The following SS18L1 variants were observed in gnomAD, a reference collection of about 807,000 sequenced individuals.
SS18L1 encodes SS18L1 subunit of BAF chromatin remodeling complex.
SS18L1 carries 32 observed loss-of-function variants against 70.3 expected under a neutral mutation model. The ratio of observed to expected loss-of-function variants is 0.46; its 90% CI spans 0.34 to 0.61. SS18L1 has a LOEUF of 0.61. Ranked by LOEUF, SS18L1 falls within the 20% of genes least tolerant of loss-of-function variation. The pLI, the probability that SS18L1 is intolerant of heterozygous loss-of-function variation, is 0.01. For missense variants in SS18L1, 430 were observed against 542.1 expected (o/e 0.79, Z 2.05); for synonymous variants, 237 against 229.7 (o/e 1.03, Z -0.29).
chr20:62,179,141 C>A, intron 10 of SS18L1, 41 bp from the exon 11 acceptor site: 1 of 1,612,196 alleles, frequency 6.2e-7, no homozygotes, highest in South Asian at 1.1e-5. Context: ...TCCTTTCACT[C>A]ATTACTATAG....
intron 4 of SS18L1, among the ~76,000 whole-genome samples, chr20:62,162,006 A>T (rs1489526852): frequency 3.9e-5 from 6 of 152,178 alleles, no homozygotes; most frequent in African/African-American, 1.4e-4. Context: ...AGACTACTTG[A>T]GGCCAGGAGT....
rs1292605036 is a variant in SS18L1 at position 62,159,708 on chromosome 20, A to G, written c.147-169A>G. On this transcript the variant is annotated intron_variant, in intron 2 of 10. Coordinates refer to ENST00000331758, the MANE Select transcript of SS18L1 (RefSeq NM_198935.3). This position sits in a 1 kb window ranked among gnomAD's most constrained non-coding sequence, Gnocchi z 4.4. ...GCCCTCCCGTCCCCACCGAGACCCC[A>G]GCACCCTGCCACCTGCCTGTGTCCA... Among the ~76,000 whole-genome samples the G allele has an allele frequency of 6.6e-6, 1 of 151,910 alleles. No individual in the cohort carries two copies. Among genetic ancestry groups the G allele is most frequent in the Non-Finnish European group, 1.5e-5 (1 of 67,964 alleles).
At chr20:62,178,036 T>A (rs1156986158) in intron 10 of SS18L1, among the ~76,000 whole-genome samples, 2 of 149,716 alleles carry the variant, frequency 1.3e-5, no homozygotes, top group African/African-American at 4.9e-5. Flanking sequence ...TTTTTTTTTT[T>A]TAAGACAGGG....
chr20:62,178,914 C>CAT (rs2145797832), intron 10 of SS18L1, among the ~76,000 whole-genome samples: 1 of 152,366 alleles, frequency 6.6e-6, no homozygotes, highest in Non-Finnish European at 1.5e-5. Context: ...GCAGGCCCAG[C>CAT]ATAAGGCTCT....
chr20:62,154,349 C>G (rs1158796540), intron 1 of SS18L1: 2 of 1,049,256 alleles, frequency 1.9e-6, no homozygotes, highest in African/African-American at 1.7e-5. Context: ...TCCTAACTTG[C>G]GGGTCTGAAA....
At chr20:62,149,025 C>G (rs78614396) in intron 1 of SS18L1, among the ~76,000 whole-genome samples, 1 of 152,210 alleles carries the variant, frequency 6.6e-6, no homozygotes, top group Non-Finnish European at 1.5e-5. Flanking sequence ...GTGCTCTCCT[C>G]GAGGCTCCGG....
At position 62,159,473 on chromosome 20, in the gene SS18L1, C is replaced by T. The variant is rs186831742; in HGVS notation, c.147-404C>T. On this transcript the variant is annotated intron_variant, in intron 2 of 10. Coordinates refer to ENST00000331758, the MANE Select transcript of SS18L1 (RefSeq NM_198935.3). The surrounding 1 kb of genome is among the most constrained non-coding windows in gnomAD (Gnocchi z 4.4). ...TTTCTTTCCAGGGCTTTCTCAGGGT[C>T]GTTGGCTCTATGGAGTCCGCCCACT... is the stretch of plus-strand genomic sequence containing the variant. Among the ~76,000 whole-genome samples, 23 of 152,262 alleles carry T rather than the reference C, an allele frequency of 1.5e-4. No individual in the cohort carries two copies. Among genetic ancestry groups the T allele is most frequent in the South Asian group, 2.1e-4 (1 of 4,820 alleles).
intron 1 of SS18L1, among the ~76,000 whole-genome samples, chr20:62,147,964 G>C (rs1046528632): frequency 6.6e-6 from 1 of 152,204 alleles, no homozygotes; most frequent in Non-Finnish European, 1.5e-5. Context: ...GGAACTTGCT[G>C]TCTGAAGGAA....
chr20:62,158,865 C>G lies in SS18L1; in HGVS notation c.146+117C>G. 1 of 1,609,454 alleles carries G rather than the reference C, an allele frequency of 6.2e-7. No individual in the cohort carries two copies. Among genetic ancestry groups the G allele is most frequent in the Non-Finnish European group, 8.5e-7 (1 of 1,178,432 alleles). ...GAGATCAGATAAGTCCCAGGAGTCCCCAGCACGGAGGCCAGATATGTCCCA... is the reference window on the plus strand; with the variant it reads ...GAGATCAGATAAGTCCCAGGAGTCCGCAGCACGGAGGCCAGATATGTCCCA... On this transcript the variant is annotated intron_variant, in intron 2 of 10. Coordinates refer to ENST00000331758, the MANE Select transcript of SS18L1 (RefSeq NM_198935.3). The surrounding 1 kb of genome is among the most constrained non-coding windows in gnomAD (Gnocchi z 4.5).
intron 1 of SS18L1, among the ~76,000 whole-genome samples, chr20:62,150,426 G>A (rs994769111): frequency 2.0e-5 from 3 of 152,272 alleles, no homozygotes; most frequent in Non-Finnish European, 2.9e-5. Context: ...CCAGCTCTCC[G>A]GTTAGCCAGG....
intron 1 of SS18L1, among the ~76,000 whole-genome samples, chr20:62,152,068 G>A (rs2057143393): frequency 6.6e-6 from 1 of 151,900 alleles, no homozygotes; most frequent in East Asian, 1.9e-4. Context: ...CTTCACACAT[G>A]CCTGTTTCCT....
At chr20:62,145,543 T>A (rs1223949326) in intron 1 of SS18L1, among the ~76,000 whole-genome samples, 2 of 152,214 alleles carry the variant, frequency 1.3e-5, no homozygotes, top group Non-Finnish European at 2.9e-5. Context: ...GCTGCAACGT[T>A]TATCCCATTA....
chr20:62,152,160 C>G (rs571419099), intron 1 of SS18L1, among the ~76,000 whole-genome samples: 246 of 152,322 alleles, frequency 1.6e-3, no homozygotes, highest in Admixed American at 4.3e-3. Context: ...CCAGGAGTCT[C>G]CTGGGGCTCC....
intron 3 of SS18L1, 82 bp downstream of exon 3, chr20:62,160,043 C>T: frequency 1.4e-6 from 2 of 1,382,820 alleles, no homozygotes; most frequent in Non-Finnish European, 2.0e-6. Context: ...GGCATGTCAT[C>T]TCAGGTAGCA....
chr20:62,155,109 T>C (rs141934229), intron 1 of SS18L1, among the ~76,000 whole-genome samples: 1 of 152,184 alleles, frequency 6.6e-6, no homozygotes, highest in African/African-American at 2.4e-5. Context: ...TGGATTTTTT[T>C]AAAAAGTTTC....
At chr20:62,156,468 C>T (rs1296710324) in intron 1 of SS18L1, among the ~76,000 whole-genome samples, 5 of 152,206 alleles carry the variant, frequency 3.3e-5, no homozygotes, top group African/African-American at 1.2e-4. Flanking sequence ...TGCAGGGCAC[C>T]TTGTCCCCAG....
chr20:62,178,037 T>TTTTTA (rs1290772431), intron 10 of SS18L1, among the ~76,000 whole-genome samples: 1 of 144,930 alleles, frequency 6.9e-6, no homozygotes, highest in Non-Finnish European at 1.5e-5. Context: ...TTTTTTTTTT[T>TTTTTA]AAGACAGGGT....
intron 10 of SS18L1, among the ~76,000 whole-genome samples, chr20:62,175,786 G>A (rs1601060355): frequency 6.6e-6 from 1 of 152,236 alleles, no homozygotes; most frequent in African/African-American, 2.4e-5. Context: ...GGGTCACCAG[G>A]TAGATGTAGA....
At chr20:62,157,932 C>G (rs1290334581) in intron 1 of SS18L1, among the ~76,000 whole-genome samples, 1 of 152,184 alleles carries the variant, frequency 6.6e-6, no homozygotes, top group East Asian at 1.9e-4. Flanking sequence ...CCCCCAGACC[C>G]TTTCCTTCCC....
Sources: allele counts gnomAD v4.1 joint callset (sites outside exome capture counted in the v4.1 genomes callset), GRCh38; gene constraint gnomAD v4.1.1; non-coding constraint Gnocchi (gnomAD v3.1); transcripts MANE v1.5; gene names NCBI Gene and HGNC (gene_info 2026-07-23, HGNC 2026-07-21).